Variants in GABRA3 observed in about 807,000 individuals in gnomAD.
The protein encoded by GABRA3 is gamma-aminobutyric acid type A receptor subunit alpha3.
GABRA3 carries 10 observed loss-of-function variants against 30.1 expected under a neutral mutation model. The ratio of observed to expected loss-of-function variants is 0.33; its 90% CI spans 0.20 to 0.56. GABRA3 has a LOEUF of 0.56. GABRA3 is among the 20% of genes least tolerant of loss of function. GABRA3 has a pLI of 0.89. For missense variants in GABRA3, 233 were observed against 392.0 expected (o/e 0.59, Z 3.42); for synonymous variants, 151 against 146.8 (o/e 1.03, Z -0.21).
At chrX:152,368,242 T>G (rs1349472897) in intron 1 of GABRA3, among the ~76,000 whole-genome samples, 1 of 111,714 alleles carries the variant, frequency 9.0e-6, no homozygotes, top group Non-Finnish European at 1.9e-5. Context: ...GACTTATTCC[T>G]CCTATATAAC....
At chrX:152,289,173 A>G (rs1417047603) in intron 3 of GABRA3, among the ~76,000 whole-genome samples, 1 of 109,009 alleles carries the variant, frequency 9.2e-6, no homozygotes, top group East Asian at 2.9e-4. Context: ...TGCTCATAAT[A>G]TACTGTATTT....
At chrX:152,408,439 T>A (rs1233916135) in intron 1 of GABRA3, among the ~76,000 whole-genome samples, 1 of 111,104 alleles carries the variant, frequency 9.0e-6, no homozygotes, top group Non-Finnish European at 1.9e-5. Flanking sequence ...CAGTGAACAA[T>A]CTGAAAAAGA....
chrX:152,188,789 C>T (rs955888047), intron 9 of GABRA3, among the ~76,000 whole-genome samples: 3 of 111,772 alleles, frequency 2.7e-5, no homozygotes, highest in Non-Finnish European at 5.6e-5. Context: ...ATTATCGTTT[C>T]TCTTCTCCAT....
chrX:152,366,174 C>T (rs1259852549), intron 1 of GABRA3, among the ~76,000 whole-genome samples: 4 of 111,741 alleles, frequency 3.6e-5, no homozygotes, highest in South Asian at 7.4e-4. Context: ...CCATGATATA[C>T]GCTCAAACAT....
chrX:152,294,864 G>A (rs1939496390), intron 3 of GABRA3, among the ~76,000 whole-genome samples: 1 of 111,118 alleles, frequency 9.0e-6, no homozygotes, highest in Admixed American at 9.5e-5. Context: ...CTCTTTGTTA[G>A]TTTTCCTTCT....
chrX:152,355,996 T>G, intron 2 of GABRA3, among the ~76,000 whole-genome samples: 2 of 111,750 alleles, frequency 1.8e-5, no homozygotes, highest in South Asian at 3.8e-4. Context: ...CAATTTTCCT[T>G]TCTGGGCTTC....
chrX:152,298,083 C>A (rs1036533141), intron 3 of GABRA3, among the ~76,000 whole-genome samples: 2 of 112,029 alleles, frequency 1.8e-5, no homozygotes, highest in African/African-American at 6.5e-5. Flanking sequence ...CTAAATATTA[C>A]AGGGATATGC....
Position 152,403,635 on chromosome X carries a change from A to G in GABRA3, c.-26-39039T>C, listed in dbSNP as rs147468712. Among the ~76,000 whole-genome samples, 431 of 110,000 alleles carry G rather than the reference A, an allele frequency of 3.9e-3. 1 individual carries two copies. Among genetic ancestry groups the G allele is most frequent in the African/African-American group, 0.013 (395 of 30,206 alleles). ...CAACGCAAATAGGATTTGAAGGGCC[A>G]AGATTTTGGAGTTAAAGAAAACTTG... On this transcript the variant is annotated intron_variant, in intron 1 of 9. Transcript: ENST00000370314.
At chrX:152,283,050 C>A (rs988351255) in intron 4 of GABRA3, among the ~76,000 whole-genome samples, 3 of 111,434 alleles carry the variant, frequency 2.7e-5, no homozygotes, top group African/African-American at 9.8e-5. Context: ...TGTGAGATCT[C>A]TGAATATAGG....
At chrX:152,199,136 G>A (rs1211573056) in intron 7 of GABRA3, among the ~76,000 whole-genome samples, 4 of 111,048 alleles carry the variant, frequency 3.6e-5, no homozygotes, top group Admixed American at 1.9e-4. Context: ...GGAGGCCAAG[G>A]CGGGCAGATT....
chrX:152,406,525 A>G (rs1461344948), intron 1 of GABRA3, among the ~76,000 whole-genome samples: 1 of 106,897 alleles, frequency 9.4e-6, no homozygotes, highest in Non-Finnish European at 1.9e-5. Context: ...GGGTCAGTTC[A>G]GCAAGAGGAT....
chrX:152,315,951 A>G (rs1276337103), intron 3 of GABRA3, among the ~76,000 whole-genome samples: 3 of 66,247 alleles, frequency 4.5e-5, no homozygotes, highest in Non-Finnish European at 2.7e-5. Flanking sequence ...TTCTCTTGGG[A>G]GTTTTAGGCC....
intron 1 of GABRA3, among the ~76,000 whole-genome samples, chrX:152,373,291 C>T (rs1928893225): frequency 9.0e-6 from 1 of 111,456 alleles, no homozygotes; most frequent in South Asian, 3.8e-4. Flanking sequence ...TTCCCCCAAC[C>T]CACTGTGGAG....
chrX:152,424,409 A>C (rs1930461925), intron 1 of GABRA3, among the ~76,000 whole-genome samples: 1 of 111,333 alleles, frequency 9.0e-6, no homozygotes, highest in Middle Eastern at 4.2e-3. Context: ...CACAATAACT[A>C]AGCATCTACT....
chrX:152,241,013 T>A (rs1362819604), intron 5 of GABRA3, among the ~76,000 whole-genome samples: 1 of 108,344 alleles, frequency 9.2e-6, no homozygotes, highest in Non-Finnish European at 1.9e-5. Flanking sequence ...TCATTCTCCA[T>A]CCAGCTTTGT....
intron 1 of GABRA3, among the ~76,000 whole-genome samples, chrX:152,371,953 T>C (rs1034527198): frequency 1.8e-5 from 2 of 111,169 alleles, no homozygotes; most frequent in Non-Finnish European, 3.8e-5. Flanking sequence ...ATACCTTGAT[T>C]TCTCTCTTCC....
intron 1 of GABRA3, among the ~76,000 whole-genome samples, chrX:152,378,153 G>C (rs1297777941): frequency 8.9e-6 from 1 of 111,789 alleles, no homozygotes; most frequent in East Asian, 2.8e-4. Flanking sequence ...TTTTGTATTA[G>C]GCTTTGGGAA....
At chrX:152,237,055 C>G (rs1422928432) in intron 5 of GABRA3, among the ~76,000 whole-genome samples, 1 of 109,591 alleles carries the variant, frequency 9.1e-6, no homozygotes, top group Non-Finnish European at 1.9e-5. Flanking sequence ...GTGTTTTGGA[C>G]ATGAAGTCCT....
intron 2 of GABRA3, among the ~76,000 whole-genome samples, chrX:152,355,808 G>T (rs1341189239): frequency 9.0e-6 from 1 of 111,530 alleles, no homozygotes; most frequent in Non-Finnish European, 1.9e-5. Context: ...CATTGTTCAC[G>T]TACATAATTC....
Sources: gnomAD v4.1 joint callset for allele counts (sites outside exome capture counted in the v4.1 genomes callset) on GRCh38, gnomAD v4.1.1 for gene constraint, MANE v1.5 for transcripts, NCBI Gene and HGNC (gene_info 2026-07-23, HGNC 2026-07-21) for gene names.